POMK: variants seen among roughly 807,000 people sequenced by gnomAD.
POMK encodes protein O-mannose kinase, also known as Sugen kinase 196.
A neutral mutation model predicts 23.0 loss-of-function variants in POMK; 19 were observed. That is an observed-to-expected ratio of 0.83 (90% CI 0.58 to 1.21). The LOEUF (loss-of-function observed/expected upper bound fraction) is 1.21. Among genes scored for constraint, POMK ranks in the 50% most tolerant of loss-of-function variants. POMK has a pLI of 0.00. For synonymous variants in POMK, 173 were observed against 171.6 expected (o/e 1.01, Z -0.06); for missense variants, 410 against 431.3 (o/e 0.95, Z 0.44).
chr8:43,093,946 C>T (rs1811277549), intron 1 of POMK, among the ~76,000 whole-genome samples: 1 of 152,126 alleles, frequency 6.6e-6, no homozygotes, highest in African/African-American at 2.4e-5. Context: ...GGCGCGGTGG[C>T]GCCGCCTATA....
intron 4 of POMK, among the ~76,000 whole-genome samples, chr8:43,115,604 C>T (rs894082826): frequency 2.6e-5 from 4 of 152,198 alleles, no homozygotes; most frequent in Non-Finnish European, 5.9e-5. Context: ...CCCAGCCCCC[C>T]AAACCACCCT....
chr8:43,110,591 G>T (rs143130596), intron 4 of POMK, among the ~76,000 whole-genome samples: 1 of 152,026 alleles, frequency 6.6e-6, no homozygotes, highest in Non-Finnish European at 1.5e-5. Context: ...TTTACTTTAG[G>T]ACCAGATTTT....
rs577258451 is a variant in POMK at position 43,108,959 on chromosome 8, T to G, written c.282+5129T>G. On this transcript the variant is annotated intron_variant, in intron 4 of 4. Coordinates refer to ENST00000331373, the MANE Select transcript of POMK (RefSeq NM_032237.5). ...AGAATTGTAGGAATTTTATACAGTT[T>G]TGCAGCACGTAACTTTATATCACAA... Among the ~76,000 whole-genome samples, 15 of 152,338 alleles carry G rather than the reference T, an allele frequency of 9.8e-5. No homozygotes were observed. The South Asian group carries it at 3.1e-3, about 32-fold the overall frequency.
At chr8:43,101,314 T>A (rs1416801430) in intron 2 of POMK, among the ~76,000 whole-genome samples, 2 of 149,806 alleles carry the variant, frequency 1.3e-5, no homozygotes, top group Non-Finnish European at 3.0e-5. Context: ...TAGTCCCAGC[T>A]ACTAAGGAGG....
intron 1 of POMK, 140 bp downstream of exon 1, chr8:43,093,703 A>G (rs1233627923): frequency 6.6e-6 from 1 of 152,384 alleles, no homozygotes; most frequent in Non-Finnish European, 1.5e-5. Flanking sequence ...GAGGCTCCCT[A>G]GGAGGCTGCG....
At chr8:43,107,872 G>A (rs1053342993) in intron 4 of POMK, among the ~76,000 whole-genome samples, 8 of 152,020 alleles carry the variant, frequency 5.3e-5, no homozygotes, top group East Asian at 1.9e-4. Context: ...TAGTAAAGAC[G>A]GGGTTTCACT....
chr8:43,108,670 A>C (rs1173241464), intron 4 of POMK, among the ~76,000 whole-genome samples: 1 of 99,050 alleles, frequency 1.0e-5, no homozygotes, highest in African/African-American at 3.9e-5. Flanking sequence ...TTTCCATGAG[A>C]GTTCTAAAAG....
At position 43,103,609 on chromosome 8, in the gene POMK, G is replaced by A. The variant is rs1235167860; in HGVS notation, c.61G>A (p.Val21Ile). 2 of 1,614,040 alleles carry A rather than the reference G, an allele frequency of 1.2e-6. No individual in the cohort carries two copies. Among genetic ancestry groups the A allele is most frequent in the Non-Finnish European group, 1.7e-6 (2 of 1,180,016 alleles). The change falls in exon 4 of 5, where the codon GTT (valine) becomes ATT (isoleucine). Residue 21 changes from valine to isoleucine, a missense_variant. Transcript: ENST00000331373. ...CGCCCCCCGAGAGGTGCCGCCAGCT[G>A]TTGGGCTGCTGCTGATCATGGCCCT... ...GLAPREVPPA[V>I]GLLLIMALMN...
chr8:43,122,405 A>T lies in POMK; in HGVS notation c.581A>T (p.His194Leu), dbSNP rs770070626. 6.2e-7 allele frequency: 1 copy of T among 1,614,208 alleles called. No homozygotes were observed. The highest frequency in any genetic ancestry group is 1.1e-5 in the South Asian group (1 of 91,084). The change falls in exon 5 of 5, where the codon CAC (histidine) becomes CTC (leucine). Residue 194 changes from histidine (H) to leucine (L), a missense_variant. Physicochemically the swap from His to Leu is moderately conservative, Grantham distance 99. Transcript: ENST00000331373. ...GTCAGCATCATTAATTACCTGCACC[A>T]CAGCCCTGTGGGCACACGGGTCATG... ...DYVSIINYLH[H>L]SPVGTRVMCD...
chr8:43,104,683 A>C (rs1390685535), intron 4 of POMK, among the ~76,000 whole-genome samples: 2 of 152,202 alleles, frequency 1.3e-5, no homozygotes, highest in Non-Finnish European at 2.9e-5. Flanking sequence ...AGTGTCTTAT[A>C]CATGTAATCC....
chr8:43,103,257 C>T (rs996065864), intron 3 of POMK, among the ~76,000 whole-genome samples: 4 of 152,222 alleles, frequency 2.6e-5, no homozygotes, highest in Admixed American at 2.0e-4. Context: ...ATGCATGCTA[C>T]TGTGAGTCGG....
intron 4 of POMK, among the ~76,000 whole-genome samples, chr8:43,114,563 T>G (rs1811753904): frequency 6.6e-6 from 1 of 152,246 alleles, no homozygotes; most frequent in East Asian, 1.9e-4. Context: ...TTGCGCTTCC[T>G]GAGTGAGGCA....
intron 2 of POMK, among the ~76,000 whole-genome samples, chr8:43,098,315 A>G (rs965691276): frequency 1.3e-5 from 2 of 152,052 alleles, no homozygotes; most frequent in Non-Finnish European, 2.9e-5. Context: ...CCACAAATCT[A>G]TGTTCTGTGT....
At chr8:43,104,881 A>G (rs1811516291) in intron 4 of POMK, among the ~76,000 whole-genome samples, 1 of 152,124 alleles carries the variant, frequency 6.6e-6, no homozygotes, top group African/African-American at 2.4e-5. Context: ...ACAGTAAGCC[A>G]TGATCTTGCC....
At chr8:43,100,191 C>A (rs1264825140) in intron 2 of POMK, among the ~76,000 whole-genome samples, 3 of 151,946 alleles carry the variant, frequency 2.0e-5, no homozygotes, top group Admixed American at 2.0e-4. Flanking sequence ...GTGGTGGAGC[C>A]GGGAGAGACT....
intron 4 of POMK, among the ~76,000 whole-genome samples, chr8:43,104,223 A>G (rs1003807971): frequency 6.6e-6 from 1 of 151,888 alleles, no homozygotes; most frequent in African/African-American, 2.4e-5. Flanking sequence ...CCTGGGTTCA[A>G]GTGATTCTCG....
chr8:43,120,478 C>G (rs998688637), intron 4 of POMK, among the ~76,000 whole-genome samples: 4 of 151,954 alleles, frequency 2.6e-5, no homozygotes, highest in Non-Finnish European at 5.9e-5. Flanking sequence ...GCCTTGGCTT[C>G]CAAAAGTGCT....
intron 4 of POMK, among the ~76,000 whole-genome samples, chr8:43,113,605 G>T (rs201070093): frequency 1.3e-5 from 2 of 152,166 alleles, no homozygotes; most frequent in Non-Finnish European, 2.9e-5. Context: ...CTTCTTCTCT[G>T]AACTCGTCAA....
At chr8:43,096,074 G>A (rs1187112769) in intron 1 of POMK, among the ~76,000 whole-genome samples, 2 of 152,198 alleles carry the variant, frequency 1.3e-5, no homozygotes, top group Non-Finnish European at 2.9e-5. Context: ...GGCAGTTGGT[G>A]CGTCTTTGCC....
Sources: allele counts gnomAD v4.1 joint callset (sites outside exome capture counted in the v4.1 genomes callset), GRCh38; gene constraint gnomAD v4.1.1; transcripts MANE v1.5; gene names NCBI Gene and HGNC (gene_info 2026-07-23, HGNC 2026-07-21).